Variants in PHACTR3 observed in about 807,000 individuals in gnomAD.
The protein encoded by PHACTR3 is protein phosphatase 1, regulatory subunit 123.
In PHACTR3, 16 loss-of-function variants were observed where a neutral mutation model predicts 66.8. The ratio of observed to expected loss-of-function variants is 0.24; its 90% CI spans 0.16 to 0.36. The LOEUF (loss-of-function observed/expected upper bound fraction) is 0.36, where lower values mean the gene tolerates loss of function less well. PHACTR3 is among the 10% of genes least tolerant of loss of function. The pLI, the probability that PHACTR3 is intolerant of heterozygous loss-of-function variation, is 1.00. For synonymous variants in PHACTR3, 323 were observed against 292.1 expected, an observed-to-expected ratio of 1.11 and a Z score of -1.08; for missense variants, 647 against 719.9, an observed-to-expected ratio of 0.90 and a Z score of 1.16.
In PHACTR3 at chr20:59,604,935, C is replaced by G; in HGVS notation, c.-80C>G. 1 of 1,232,436 alleles carries G rather than the reference C, an allele frequency of 8.1e-7. No homozygotes were observed. The highest frequency in any genetic ancestry group is 1.0e-6 in the Non-Finnish European group (1 of 986,788). 76.3% of individuals were successfully genotyped at this position (1,232,436 alleles called of 1,614,324 possible). ...TTTAAAAAGACGCCCCCTCCAGCCCCCTCGCCGGTGACCTTGGCCGCCTCG... is the reference window on the plus strand; with the variant it reads ...TTTAAAAAGACGCCCCCTCCAGCCCGCTCGCCGGTGACCTTGGCCGCCTCG... On this transcript the variant is annotated 5_prime_UTR_variant, in exon 1 of 13. Coordinates refer to ENST00000371015, the MANE Select transcript of PHACTR3 (RefSeq NM_080672.5).
chr20:59,809,199 G>T (rs8126245), intron 8 of PHACTR3, among the ~76,000 whole-genome samples: 1 of 151,972 alleles, frequency 6.6e-6, no homozygotes, highest in East Asian at 1.9e-4. Context: ...GGCCGTGAAC[G>T]TAAGCAGGTG....
At chr20:59,793,951 C>T (rs2041177405) in intron 7 of PHACTR3, among the ~76,000 whole-genome samples, 1 of 151,850 alleles carries the variant, frequency 6.6e-6, no homozygotes, top group Non-Finnish European at 1.5e-5. Flanking sequence ...AAAGAAACCT[C>T]ATTTCTACTA....
At chr20:59,583,727 G>C (rs1020022798) in intron 1 of PHACTR3, among the ~76,000 whole-genome samples, 1 of 152,220 alleles carries the variant, frequency 6.6e-6, no homozygotes, top group Non-Finnish European at 1.5e-5. Flanking sequence ...CCTGGGCCGG[G>C]GCTGGCTGGG....
intron 8 of PHACTR3, among the ~76,000 whole-genome samples, chr20:59,827,151 G>T (rs371753761): frequency 2.0e-5 from 3 of 152,166 alleles, no homozygotes; most frequent in Non-Finnish European, 2.9e-5. Flanking sequence ...GCATGTTCAC[G>T]GTGGGGTTGG....
intron 1 of PHACTR3, among the ~76,000 whole-genome samples, chr20:59,642,423 C>T (rs1390910471): frequency 6.7e-6 from 1 of 150,260 alleles, no homozygotes; most frequent in Non-Finnish European, 1.5e-5. Flanking sequence ...CCCACCCCCA[C>T]CCCAGAGATA....
At chr20:59,825,387 C>CTCAT (rs912607277) in intron 8 of PHACTR3, among the ~76,000 whole-genome samples, 18 of 152,334 alleles carry the variant, frequency 1.2e-4, no homozygotes, top group African/African-American at 4.3e-4. Flanking sequence ...CATTCAGACA[C>CTCAT]TCATTCATTC....
intron 1 of PHACTR3, among the ~76,000 whole-genome samples, chr20:59,662,075 A>ACGATT (rs1403401293): frequency 6.6e-6 from 1 of 152,056 alleles, no homozygotes; most frequent in African/African-American, 2.4e-5. Flanking sequence ...GCAGCTACAG[A>ACGATT]CGATTCATTC....
intron 3 of PHACTR3, 70 bp downstream of exon 3, chr20:59,747,905 GC>G: frequency 6.7e-7 from 1 of 1,484,944 alleles, no homozygotes; most frequent in Non-Finnish European, 9.3e-7. Context: ...TCTCACATGA[GC>G]CCAGGAAGCC....
chr20:59,779,290 T>A (rs2040643476), intron 7 of PHACTR3, among the ~76,000 whole-genome samples: 1 of 152,182 alleles, frequency 6.6e-6, no homozygotes, highest in Admixed American at 6.5e-5. Flanking sequence ...AAGTGATAGA[T>A]CTCTGAGATA....
intron 1 of PHACTR3, among the ~76,000 whole-genome samples, chr20:59,652,593 A>C (rs1321116038): frequency 2.6e-5 from 4 of 152,222 alleles, no homozygotes; most frequent in African/African-American, 9.7e-5. Context: ...CAAAATTAGC[A>C]TTAATCTACT....
In PHACTR3 at chr20:59,830,258, T is replaced by C. The variant is rs960725393; in HGVS notation, c.1329-6247T>C. Among the ~76,000 whole-genome samples the C allele has an allele frequency of 1.8e-4, 28 of 151,954 alleles. No homozygotes were observed. The highest frequency in any genetic ancestry group is 5.8e-4 in the African/African-American group (24 of 41,416). On this transcript the variant is annotated intron_variant, in intron 8 of 12. Coordinates refer to ENST00000371015, the MANE Select transcript of PHACTR3 (RefSeq NM_080672.5). This position sits in a 1 kb window ranked among gnomAD's most constrained non-coding sequence, Gnocchi z 5.8. ...GATGGAAGAGGGTATGAGTGTCTGA[T>C]AGAAGAGGGTATGAGTGTCTGATGG...
chr20:59,764,850 A>AC (rs201920110), intron 4 of PHACTR3, among the ~76,000 whole-genome samples: 1,561 of 152,050 alleles, frequency 0.01, 22 homozygotes, highest in African/African-American at 0.032. Flanking sequence ...AAGGGGTGGG[A>AC]CCCCCCCAGG....
chr20:59,683,370 C>CGGGAGGCCGCAGCTGAGCAGAAGCTG (rs1421141062), intron 1 of PHACTR3, among the ~76,000 whole-genome samples: 1 of 152,122 alleles, frequency 6.6e-6, no homozygotes, highest in Non-Finnish European at 1.5e-5. Flanking sequence ...GCTGTGCATT[C>CGGGAGGCCGCAGCTGAGCAGAAGCTG]GGGAGGCCGC....
At chr20:59,642,816 C>T (rs2035151011) in intron 1 of PHACTR3, among the ~76,000 whole-genome samples, 1 of 152,210 alleles carries the variant, frequency 6.6e-6, no homozygotes, top group African/African-American at 2.4e-5. Flanking sequence ...CAGCAACTTG[C>T]TGTCCTGCCA....
At chr20:59,785,737 C>T (rs1388130262) in intron 7 of PHACTR3, among the ~76,000 whole-genome samples, 4 of 152,184 alleles carry the variant, frequency 2.6e-5, no homozygotes, top group Admixed American at 1.3e-4. Flanking sequence ...AGAGGAAGGC[C>T]GTGGTCAGCA....
intron 8 of PHACTR3, among the ~76,000 whole-genome samples, chr20:59,818,541 C>T (rs1046880540): frequency 6.6e-6 from 1 of 152,200 alleles, no homozygotes; most frequent in Non-Finnish European, 1.5e-5. Flanking sequence ...TCAGCACAAT[C>T]GATTTTAAGA....
chr20:59,797,017 A>G (rs1245390377), intron 7 of PHACTR3, among the ~76,000 whole-genome samples: 2 of 152,158 alleles, frequency 1.3e-5, no homozygotes, highest in Non-Finnish European at 2.9e-5. Flanking sequence ...CATAAGTCCC[A>G]TAGGTTTTCT....
chr20:59,832,282 C>T (rs997739833), intron 8 of PHACTR3, among the ~76,000 whole-genome samples: 1 of 152,190 alleles, frequency 6.6e-6, no homozygotes, highest in African/African-American at 2.4e-5. Context: ...AGGCTCGTCA[C>T]CATTTTTCCT....
intron 8 of PHACTR3, among the ~76,000 whole-genome samples, chr20:59,810,258 T>C (rs926048688): frequency 6.6e-6 from 1 of 152,234 alleles, no homozygotes; most frequent in African/African-American, 2.4e-5. Context: ...CGCCCCCCTA[T>C]GTAAGAAGTA....
Sources: allele counts gnomAD v4.1 joint callset (sites outside exome capture counted in the v4.1 genomes callset), GRCh38; gene constraint gnomAD v4.1.1; non-coding constraint Gnocchi (gnomAD v3.1); transcripts MANE v1.5; gene names NCBI Gene and HGNC (gene_info 2026-07-23, HGNC 2026-07-21).